Variants in EFNA5 observed in about 807,000 individuals in gnomAD.
The protein encoded by EFNA5 is ephrin A5.
EFNA5 carries 5 observed loss-of-function variants against 22.9 expected under a neutral mutation model. The observed-to-expected ratio is 0.22, with a 90% CI of 0.11 to 0.46. The LOEUF (loss-of-function observed/expected upper bound fraction) is 0.46, where lower values mean the gene tolerates loss of function less well. Ranked by LOEUF, EFNA5 falls within the 20% of genes least tolerant of loss-of-function variation. The pLI, the probability that EFNA5 is intolerant of heterozygous loss-of-function variation, is 0.99. For missense variants in EFNA5, 237 were observed against 293.3 expected, an observed-to-expected ratio of 0.81 and a Z score of 1.40; for synonymous variants, 113 against 112.2, an observed-to-expected ratio of 1.01 and a Z score of -0.04.
chr5:107,532,238 A>G (rs1261930244), intron 1 of EFNA5, among the ~76,000 whole-genome samples: 2 of 152,228 alleles, frequency 1.3e-5, no homozygotes, highest in African/African-American at 2.4e-5. Flanking sequence ...GCATGAGACA[A>G]TTATTAGTGG....
At position 107,422,200 on chromosome 5, in the gene EFNA5, T is replaced by C. The variant is rs1413463716; in HGVS notation, c.418+5017A>G. On this transcript the variant is annotated intron_variant, in intron 2 of 4. Transcript: ENST00000333274. ...TTTTCTGGGCCTCAGTTTCTTCACC[T>C]GTAAATAGGGAAAAAGAATAGTTCT... Among the ~76,000 whole-genome samples the C allele has an allele frequency of 1.3e-5, 2 of 152,204 alleles. 1 individual carries two copies. Among genetic ancestry groups the C allele is most frequent in the African/African-American group, 4.8e-5 (2 of 41,460 alleles).
At chr5:107,433,419 C>T (rs1308675894) in intron 1 of EFNA5, among the ~76,000 whole-genome samples, 1 of 152,072 alleles carries the variant, frequency 6.6e-6, no homozygotes, top group African/African-American at 2.4e-5. Context: ...AAACCAGAGG[C>T]CACCTGGAGC....
At chr5:107,399,933 GA>G (rs2112387798) in intron 2 of EFNA5, among the ~76,000 whole-genome samples, 1 of 152,256 alleles carries the variant, frequency 6.6e-6, no homozygotes, top group African/African-American at 2.4e-5. Context: ...ATATATAATG[GA>G]AAAATCGACT....
chr5:107,430,082 A>T (rs1290828951), intron 1 of EFNA5, among the ~76,000 whole-genome samples: 1 of 152,204 alleles, frequency 6.6e-6, no homozygotes, highest in Non-Finnish European at 1.5e-5. Context: ...AAACACTTGG[A>T]AGTATTTATA....
intron 1 of EFNA5, among the ~76,000 whole-genome samples, chr5:107,436,641 C>T (rs1479339826): frequency 6.6e-6 from 1 of 152,060 alleles, no homozygotes. Flanking sequence ...TTTTACACCC[C>T]CCAGCCCCAA....
At chr5:107,468,004 A>T (rs1050261570) in intron 1 of EFNA5, among the ~76,000 whole-genome samples, 4 of 152,222 alleles carry the variant, frequency 2.6e-5, no homozygotes, top group African/African-American at 9.6e-5. Flanking sequence ...ATTATGACAT[A>T]GCATTTTGTT....
At position 107,557,490 on chromosome 5, in the gene EFNA5, C is replaced by T. The variant is rs140028734; in HGVS notation, c.125+112999G>A. 1.4e-3 allele frequency among the ~76,000 whole-genome samples: 209 copies of T among 152,316 alleles called. 1 individual carries two copies. The highest frequency in any genetic ancestry group is 4.9e-3 in the African/African-American group (204 of 41,552). On this transcript the variant is annotated intron_variant, in intron 1 of 4. Coordinates refer to ENST00000333274, the MANE Select transcript of EFNA5 (RefSeq NM_001962.3). ...AGGGTTGACAGGAATTCCGAGACTG[C>T]GGTGCCTGGGGCAATGTGGTAAAAG...
chr5:107,388,001 T>C lies in EFNA5; in HGVS notation c.419-230A>G, dbSNP rs373405048. Among the ~76,000 whole-genome samples, 23 of 152,334 alleles carry C rather than the reference T, an allele frequency of 1.5e-4. No homozygotes were observed. The East Asian group carries it at 2.3e-3, about 15-fold the overall frequency. ...TCTTTTCAATACAATAAAAGAATCA[T>C]GCAAGAATGTGAGTAATCTGTGAAG... On this transcript the variant is annotated intron_variant, in intron 2 of 4. Coordinates refer to ENST00000333274, the MANE Select transcript of EFNA5 (RefSeq NM_001962.3).
intron 1 of EFNA5, among the ~76,000 whole-genome samples, chr5:107,468,080 T>C (rs1580471709): frequency 6.6e-6 from 1 of 152,202 alleles, no homozygotes; most frequent in Non-Finnish European, 1.5e-5. Context: ...ACGGATAGCA[T>C]ACAAGCCATA....
intron 1 of EFNA5, among the ~76,000 whole-genome samples, chr5:107,429,212 G>A (rs1748884170): frequency 6.6e-6 from 1 of 152,226 alleles, no homozygotes; most frequent in South Asian, 2.1e-4. Context: ...GGAGGCTGGG[G>A]CAGGCGGATC....
intron 1 of EFNA5, among the ~76,000 whole-genome samples, chr5:107,473,894 C>T (rs562900634): frequency 4.6e-5 from 7 of 152,026 alleles, no homozygotes; most frequent in Admixed American, 1.3e-4. Flanking sequence ...CTCCTGACCT[C>T]GTGATCCGCC....
intron 1 of EFNA5, among the ~76,000 whole-genome samples, chr5:107,659,938 G>A (rs549381699): frequency 6.6e-6 from 1 of 151,802 alleles, no homozygotes; most frequent in African/African-American, 2.4e-5. Context: ...AGAGAACAGA[G>A]GATGAAGGTA....
intron 1 of EFNA5, among the ~76,000 whole-genome samples, chr5:107,478,809 C>T (rs1159081737): frequency 6.6e-6 from 1 of 152,074 alleles, no homozygotes; most frequent in Non-Finnish European, 1.5e-5. Context: ...TTACCATTGT[C>T]ATTAGATAGG....
Position 107,569,517 on chromosome 5 carries a change from G to A in EFNA5, c.125+100972C>T, listed in dbSNP as rs796611767. Among the ~76,000 whole-genome samples, 82 of 128,162 alleles carry A rather than the reference G, an allele frequency of 6.4e-4. 3 individuals carry two copies. Among genetic ancestry groups the A allele is most frequent in the African/African-American group, 1.6e-3 (55 of 33,702 alleles). 84.1% of individuals were successfully genotyped at this position (128,162 alleles called of 152,430 possible). ...TATATGTGTATATATATTTATATAT[G>A]TGTGTATATATATTTATATATATAT... is the stretch of plus-strand genomic sequence containing the variant. On this transcript the variant is annotated intron_variant, in intron 1 of 4. Transcript: ENST00000333274.
At chr5:107,616,082 A>G (rs1432177243) in intron 1 of EFNA5, among the ~76,000 whole-genome samples, 1 of 152,256 alleles carries the variant, frequency 6.6e-6, no homozygotes, top group Non-Finnish European at 1.5e-5. Flanking sequence ...TATTGAAATC[A>G]GTAACCCAAG....
At chr5:107,496,671 T>C (rs527457971) in intron 1 of EFNA5, among the ~76,000 whole-genome samples, 16 of 152,328 alleles carry the variant, frequency 1.1e-4, no homozygotes, top group African/African-American at 3.4e-4. Context: ...GTGCTGTCTG[T>C]TGGGGCTTGC....
At chr5:107,463,857 A>G (rs1210164387) in intron 1 of EFNA5, among the ~76,000 whole-genome samples, 1 of 152,136 alleles carries the variant, frequency 6.6e-6, no homozygotes, top group African/African-American at 2.4e-5. Flanking sequence ...TGAAGTTTCT[A>G]ATGTTGACTC....
At chr5:107,492,691 T>C (rs540074370) in intron 1 of EFNA5, among the ~76,000 whole-genome samples, 27 of 152,224 alleles carry the variant, frequency 1.8e-4, no homozygotes, top group African/African-American at 6.0e-4. Flanking sequence ...GGGCTCTCAA[T>C]TTCACTCTGA....
intron 1 of EFNA5, among the ~76,000 whole-genome samples, chr5:107,441,127 G>C (rs926216850): frequency 6.6e-6 from 1 of 151,460 alleles, no homozygotes; most frequent in Non-Finnish European, 1.5e-5. Context: ...TCAGATTTCT[G>C]GCTCAGGACA....
Sources: allele counts gnomAD v4.1 joint callset (sites outside exome capture counted in the v4.1 genomes callset), GRCh38; gene constraint gnomAD v4.1.1; transcripts MANE v1.5; gene names NCBI Gene and HGNC (gene_info 2026-07-23, HGNC 2026-07-21).